Variants in KCNH1 observed in about 807,000 individuals in gnomAD.
KCNH1 encodes voltage-gated delayed rectifier potassium channel KCNH1.
KCNH1 carries 27 observed loss-of-function variants against 69.2 expected under a neutral mutation model. The ratio of observed to expected loss-of-function variants is 0.39; its 90% confidence interval spans 0.29 to 0.54. KCNH1 has a LOEUF of 0.54. Ranked by LOEUF, KCNH1 falls within the 20% of genes least tolerant of loss-of-function variation. KCNH1 has a pLI of 0.68. For synonymous variants in KCNH1, 456 were observed against 487.7 expected (o/e 0.93, Z 0.86); for missense variants, 798 against 1,261.6 (o/e 0.63, Z 5.57).
intron 6 of KCNH1, among the ~76,000 whole-genome samples, chr1:211,013,448 G>T (rs1018909566): frequency 2.0e-5 from 3 of 152,226 alleles, no homozygotes; most frequent in Non-Finnish European, 2.9e-5. Context: ...TGTAAGAAAG[G>T]TCCACGAAAA....
chr1:210,798,939 C>T (rs1380603158), intron 8 of KCNH1, among the ~76,000 whole-genome samples: 1 of 152,182 alleles, frequency 6.6e-6, no homozygotes, highest in Admixed American at 6.5e-5. Context: ...ACTTATCAAA[C>T]ACATTATGGT....
At chr1:210,904,213 T>C (rs1574329034) in intron 7 of KCNH1, among the ~76,000 whole-genome samples, 1 of 152,180 alleles carries the variant, frequency 6.6e-6, no homozygotes, top group Non-Finnish European at 1.5e-5. Context: ...AATGATGACA[T>C]AACTGCTTTG....
intron 7 of KCNH1, chr1:210,858,604 T>C (rs1221438893): frequency 6.5e-6 from 1 of 153,294 alleles, no homozygotes; most frequent in East Asian, 1.9e-4. Context: ...ACAATAAATG[T>C]CCAATAATCT....
At chr1:210,887,914 A>G (rs1686651935) in intron 7 of KCNH1, among the ~76,000 whole-genome samples, 1 of 152,194 alleles carries the variant, frequency 6.6e-6, no homozygotes, top group African/African-American at 2.4e-5. Context: ...TCATAAAGCA[A>G]GTTCTAAGAG....
chr1:210,957,614 T>C (rs1688203953), intron 6 of KCNH1, among the ~76,000 whole-genome samples: 1 of 152,302 alleles, frequency 6.6e-6, no homozygotes, highest in Non-Finnish European at 1.5e-5. Context: ...TCAATGCATA[T>C]ATATTTAGGT....
At chr1:210,871,702 C>T (rs1686251748) in intron 7 of KCNH1, among the ~76,000 whole-genome samples, 1 of 151,702 alleles carries the variant, frequency 6.6e-6, no homozygotes, top group East Asian at 1.9e-4. Context: ...CACATATACA[C>T]CATGGAATAC....
At chr1:210,829,735 G>T (rs930166595) in intron 7 of KCNH1, among the ~76,000 whole-genome samples, 1 of 152,032 alleles carries the variant, frequency 6.6e-6, no homozygotes, top group East Asian at 1.9e-4. Context: ...TTTTTAAAAG[G>T]CTTCTCAAAG....
chr1:211,011,733 G>A (rs1315936194), intron 6 of KCNH1, among the ~76,000 whole-genome samples: 3 of 152,076 alleles, frequency 2.0e-5, no homozygotes, highest in East Asian at 1.9e-4. Flanking sequence ...GCTCCCACAC[G>A]TACACACCCC....
At chr1:210,700,028 C>A (rs1250239488) in intron 10 of KCNH1, among the ~76,000 whole-genome samples, 2 of 152,214 alleles carry the variant, frequency 1.3e-5, no homozygotes, top group East Asian at 3.9e-4. Flanking sequence ...GTCTCAGATC[C>A]CCCTCCTATC....
intron 7 of KCNH1, chr1:210,862,208 G>T: frequency 1.6e-6 from 2 of 1,212,842 alleles, no homozygotes; most frequent in Non-Finnish European, 2.4e-6. Context: ...GCTTCATTGA[G>T]CTGGCGCTCC....
chr1:211,020,636 A>G (rs924533943), intron 5 of KCNH1, among the ~76,000 whole-genome samples: 14 of 152,074 alleles, frequency 9.2e-5, no homozygotes, highest in African/African-American at 2.7e-4. Context: ...TCCAAACTCA[A>G]TCTATGAGTC....
chr1:211,032,464 A>C (rs1301463193), intron 5 of KCNH1, among the ~76,000 whole-genome samples: 1 of 152,242 alleles, frequency 6.6e-6, no homozygotes, highest in Non-Finnish European at 1.5e-5. Flanking sequence ...GTCAATCCTA[A>C]GCCAAAAGAA....
intron 10 of KCNH1, among the ~76,000 whole-genome samples, chr1:210,772,925 C>T (rs781210185): frequency 7.2e-5 from 11 of 152,118 alleles, no homozygotes; most frequent in Non-Finnish European, 1.0e-4. Context: ...ACTCTACTTA[C>T]AGAAAAAATC....
In KCNH1 at chr1:211,005,243, T is replaced by C. The variant is rs11119657; in HGVS notation, c.1032+13540A>G. On this transcript the variant is annotated intron_variant, in intron 6 of 10. Transcript: ENST00000271751. Reference sequence around the variant, plus strand: ...AATTGACTCCAGAAGTAACAGAAAATTTGAATGGATCTTTGATTATTTAAA... The same window carrying C: ...AATTGACTCCAGAAGTAACAGAAAACTTGAATGGATCTTTGATTATTTAAA... Among the ~76,000 whole-genome samples the C allele has an allele frequency of 1.6e-3, 236 of 152,128 alleles. 2 individuals are homozygous for C. In the East Asian group the frequency reaches 0.028, roughly 18 times the overall value.
intron 7 of KCNH1, among the ~76,000 whole-genome samples, chr1:210,867,566 T>C (rs1686141972): frequency 1.3e-5 from 2 of 152,042 alleles, no homozygotes; most frequent in Admixed American, 1.3e-4. Flanking sequence ...TACTCCCATT[T>C]CAGTTCATAG....
At chr1:210,782,513 G>A (rs536480103) in intron 9 of KCNH1, among the ~76,000 whole-genome samples, 1 of 152,130 alleles carries the variant, frequency 6.6e-6, no homozygotes, top group Non-Finnish European at 1.5e-5. Context: ...AGCACTTGAG[G>A]TCAGGAGTTT....
intron 9 of KCNH1, among the ~76,000 whole-genome samples, chr1:210,779,105 A>G (rs1481413599): frequency 3.3e-5 from 5 of 152,234 alleles, no homozygotes; most frequent in Admixed American, 3.3e-4. Context: ...TTTTCCAATC[A>G]CAGGTTTTGA....
intron 6 of KCNH1, among the ~76,000 whole-genome samples, chr1:210,925,796 C>T (rs1334890664): frequency 6.6e-6 from 1 of 152,214 alleles, no homozygotes; most frequent in Non-Finnish European, 1.5e-5. Flanking sequence ...TCTACCAGCC[C>T]TGGTAACCAA....
chr1:210,697,429 G>A lies in KCNH1; in HGVS notation c.2113-13291C>T, dbSNP rs573991615. 2.6e-5 allele frequency among the ~76,000 whole-genome samples: 4 copies of A among 152,316 alleles called. No individual in the cohort carries two copies. In the East Asian group the frequency reaches 7.7e-4, roughly 29 times the overall value. On this transcript the variant is annotated intron_variant, in intron 10 of 10. Transcript: ENST00000271751. ...AGGGGGACTGGGCTCCAGGCCTGGG[G>A]GTTGAGAGTTCAACTTTTCCCTCAG... is the stretch of plus-strand genomic sequence containing the variant.
Sources: gnomAD v4.1 joint callset for allele counts (sites outside exome capture counted in the v4.1 genomes callset) on GRCh38, gnomAD v4.1.1 for gene constraint, MANE v1.5 for transcripts, NCBI Gene and HGNC (gene_info 2026-07-23, HGNC 2026-07-21) for gene names.